Variants in REV1 observed in about 807,000 individuals in gnomAD.
The protein encoded by REV1 is translesion synthesis protein REV1.
In REV1, 42 loss-of-function variants were observed where a neutral mutation model predicts 137.4. The observed-to-expected ratio is 0.31, with a 90% CI of 0.24 to 0.40. REV1 has a LOEUF of 0.40. Among genes scored for constraint, REV1 ranks in the 10% least tolerant of loss-of-function variants. REV1 has a pLI of 1.00. For synonymous variants in REV1, 524 were observed against 519.2 expected, an observed-to-expected ratio of 1.01 and a Z score of -0.12; for missense variants, 1,282 against 1,490.1, an observed-to-expected ratio of 0.86 and a Z score of 2.30.
intron 1 of REV1, among the ~76,000 whole-genome samples, chr2:99,468,791 AACATT>A: frequency 6.6e-6 from 1 of 152,218 alleles, no homozygotes; most frequent in Non-Finnish European, 1.5e-5. Flanking sequence ...CCTTACCCTT[AACATT>A]TAGGGTACAC....
intron 3 of REV1, among the ~76,000 whole-genome samples, chr2:99,452,875 A>C (rs1683083861): frequency 6.6e-6 from 1 of 152,240 alleles, no homozygotes. Context: ...CAGACTCCAA[A>C]GCAGGAATGA....
At chr2:99,445,354 G>A (rs889207360) in intron 4 of REV1, among the ~76,000 whole-genome samples, 8 of 152,242 alleles carry the variant, frequency 5.3e-5, no homozygotes, top group South Asian at 2.1e-4. Flanking sequence ...CCATTGAGCT[G>A]GCATGAACCA....
At chr2:99,470,007 G>A (rs998679645) in intron 1 of REV1, among the ~76,000 whole-genome samples, 4 of 152,034 alleles carry the variant, frequency 2.6e-5, no homozygotes, top group Admixed American at 2.0e-4. Context: ...TGTAGTCCCA[G>A]CTACGTGGGA....
At chr2:99,426,977 GT>G (rs764877066) in intron 9 of REV1, among the ~76,000 whole-genome samples, 7 of 152,176 alleles carry the variant, frequency 4.6e-5, no homozygotes, top group Non-Finnish European at 7.3e-5. Flanking sequence ...GAGGTCAGGA[GT>G]TCAAGACCAG....
intron 1 of REV1, among the ~76,000 whole-genome samples, chr2:99,470,314 G>T (rs549277522): frequency 2.0e-5 from 3 of 151,970 alleles, no homozygotes; most frequent in Non-Finnish European, 4.4e-5. Flanking sequence ...ATTTTGAGTG[G>T]CTTTTAATCA....
chr2:99,430,004 T>G (rs1679918096), intron 8 of REV1, 56 bp from the exon 9 acceptor site: 6 of 1,085,920 alleles, frequency 5.5e-6, no homozygotes, highest in Non-Finnish European at 7.7e-6. Flanking sequence ...TTTCCCTCAC[T>G]TTTTCAAGAA....
At position 99,442,736 on chromosome 2, in the gene REV1, C is replaced by A. The variant is rs1027317554; in HGVS notation, c.351-267G>T. Among the ~76,000 whole-genome samples, 11 of 152,202 alleles carry A rather than the reference C, an allele frequency of 7.2e-5. No individual in the cohort carries two copies. In the East Asian group the frequency reaches 2.1e-3, roughly 29 times the overall value. On this transcript the variant is annotated intron_variant, in intron 4 of 22. Transcript: ENST00000258428. ...ACCCTGTCAACAGTTAACAGAGAAT[C>A]ATCAAGACTTCATCAAAATCTCATC...
intron 4 of REV1, 78 bp downstream of exon 4, chr2:99,449,258 C>T: frequency 4.5e-6 from 4 of 893,402 alleles, no homozygotes; most frequent in Non-Finnish European, 6.0e-6. Context: ...AAGCGAGACC[C>T]TATCTCAAAA....
intron 1 of REV1, among the ~76,000 whole-genome samples, chr2:99,475,221 G>A (rs749725328): frequency 4.6e-5 from 7 of 152,196 alleles, no homozygotes; most frequent in Non-Finnish European, 7.4e-5. Context: ...GCTGTGTCTG[G>A]TTTCCATTGG....
At chr2:99,451,313 ACTTTC>A (rs1662412222) in intron 3 of REV1, 2 of 1,153,222 alleles carry the variant, frequency 1.7e-6, no homozygotes, top group Admixed American at 7.1e-5. Context: ...GAACACATTA[ACTTTC>A]CATATACATA....
intron 1 of REV1, among the ~76,000 whole-genome samples, chr2:99,474,630 G>A (rs1421649390): frequency 6.6e-6 from 1 of 152,146 alleles, no homozygotes; most frequent in East Asian, 1.9e-4. Flanking sequence ...AGTCGGGAGC[G>A]ATGGCTCACG....
At chr2:99,434,875 A>T (rs970596198) in intron 7 of REV1, among the ~76,000 whole-genome samples, 2 of 152,168 alleles carry the variant, frequency 1.3e-5, no homozygotes, top group African/African-American at 4.8e-5. Context: ...CTAAATACAT[A>T]TGCATAGGAA....
In REV1 at chr2:99,452,310, C is replaced by G. The variant is rs563592401; in HGVS notation, c.182-2806G>C. On this transcript the variant is annotated intron_variant, in intron 3 of 22. Coordinates refer to ENST00000258428, the MANE Select transcript of REV1 (RefSeq NM_016316.4). ...GGTGTGGTGGTGTGTGCCTGCAGTCCCAGCTACTAGGGAGTCTGAAGTGGA... is the reference window on the plus strand; with the variant it reads ...GGTGTGGTGGTGTGTGCCTGCAGTCGCAGCTACTAGGGAGTCTGAAGTGGA... 4.0e-5 allele frequency among the ~76,000 whole-genome samples: 6 copies of G among 151,686 alleles called. No homozygotes were observed. The East Asian group carries it at 9.7e-4, about 25-fold the overall frequency.
chr2:99,414,535 A>C (rs1429179821), intron 12 of REV1, among the ~76,000 whole-genome samples: 1 of 152,258 alleles, frequency 6.6e-6, no homozygotes, highest in African/African-American at 2.4e-5. Flanking sequence ...GTGCTTTTCA[A>C]AATGGGGAGG....
chr2:99,437,127 G>A (rs1057471320), intron 6 of REV1, among the ~76,000 whole-genome samples: 7 of 151,682 alleles, frequency 4.6e-5, no homozygotes, highest in Admixed American at 1.3e-4. Context: ...CCGCAGGTGC[G>A]TGCCACCACG....
chr2:99,403,375 A>G, intron 19 of REV1: 1 of 556,224 alleles, frequency 1.8e-6, no homozygotes, highest in South Asian at 2.4e-5. Flanking sequence ...TTTGTGATGC[A>G]TTTTGAACCA....
chr2:99,402,691 A>T lies in REV1; in HGVS notation c.3494T>A (p.Phe1165Tyr). The change falls in exon 21 of 23, where the codon TTC (phenylalanine) becomes TAC (tyrosine). Residue 1165 changes from phenylalanine (F) to tyrosine (Y), a missense_variant. Coordinates refer to ENST00000258428, the MANE Select transcript of REV1 (RefSeq NM_016316.4). Reference sequence around the variant, plus strand: ...TCTGAGCAAGGTCTTCACATCATTGAATTCAACAGCTCCAGCTAGATTGGG... The same window carrying T: ...TCTGAGCAAGGTCTTCACATCATTGTATTCAACAGCTCCAGCTAGATTGGG... ...PAPNLAGAVE[F>Y]NDVKTLLREW... 1 of 1,614,198 alleles carries T rather than the reference A, an allele frequency of 6.2e-7. No individual in the cohort carries two copies. The highest frequency in any genetic ancestry group is 1.1e-5 in the South Asian group (1 of 91,084).
chr2:99,469,794 T>A (rs1685198420), intron 1 of REV1, among the ~76,000 whole-genome samples: 1 of 152,204 alleles, frequency 6.6e-6, no homozygotes, highest in Non-Finnish European at 1.5e-5. Flanking sequence ...CTATAGTTAT[T>A]GGTAGATTTT....
intron 8 of REV1, chr2:99,431,734 G>A: frequency 1.0e-6 from 1 of 985,432 alleles, no homozygotes; most frequent in Non-Finnish European, 1.2e-6. Flanking sequence ...CCATTGGGCT[G>A]GCTGACCTGT....
Sources: allele counts gnomAD v4.1 joint callset (sites outside exome capture counted in the v4.1 genomes callset), GRCh38; gene constraint gnomAD v4.1.1; transcripts MANE v1.5; gene names NCBI Gene and HGNC (gene_info 2026-07-23, HGNC 2026-07-21).